The following CADM1 variants were observed in gnomAD, a reference collection of about 807,000 sequenced individuals.
The protein encoded by CADM1 is TSLC-1.
CADM1 carries 15 observed loss-of-function variants against 53.1 expected under a neutral mutation model. The observed-to-expected ratio is 0.28, with a 90% confidence interval of 0.19 to 0.44. The LOEUF (loss-of-function observed/expected upper bound fraction) is 0.44, where lower values mean the gene tolerates loss of function less well. Ranked by LOEUF, CADM1 falls within the 20% of genes least tolerant of loss-of-function variation. CADM1 has a pLI of 1.00. For missense variants in CADM1, 434 were observed against 611.3 expected, an observed-to-expected ratio of 0.71 and a Z score of 3.06; for synonymous variants, 281 against 243.0, an observed-to-expected ratio of 1.16 and a Z score of -1.45.
intron 1 of CADM1, among the ~76,000 whole-genome samples, chr11:115,334,653 A>C (rs1223583261): frequency 6.6e-6 from 1 of 152,118 alleles, no homozygotes; most frequent in Non-Finnish European, 1.5e-5. Flanking sequence ...CTATCCTCAG[A>C]ATCAGACATC....
At chr11:115,320,112 G>A (rs1417066982) in intron 1 of CADM1, among the ~76,000 whole-genome samples, 6 of 152,030 alleles carry the variant, frequency 3.9e-5, no homozygotes, top group Non-Finnish European at 7.4e-5. Context: ...CACCCAGGCC[G>A]GAGTGCAGTA....
chr11:115,456,121 G>T (rs940314413), intron 1 of CADM1, among the ~76,000 whole-genome samples: 3 of 152,114 alleles, frequency 2.0e-5, no homozygotes, highest in African/African-American at 7.2e-5. Flanking sequence ...CAACATGTTT[G>T]AATCAAGTAT....
intron 1 of CADM1, among the ~76,000 whole-genome samples, chr11:115,386,403 G>A (rs780379582): frequency 3.3e-5 from 5 of 152,114 alleles, no homozygotes; most frequent in African/African-American, 9.7e-5. Context: ...TCTATTTTCT[G>A]TTGCTTATAA....
chr11:115,186,362 T>A (rs1591584501), intron 10 of CADM1, among the ~76,000 whole-genome samples: 1 of 152,216 alleles, frequency 6.6e-6, no homozygotes, highest in African/African-American at 2.4e-5. Context: ...GGAAAAAAAA[T>A]CTTCCCAGGT....
At chr11:115,312,820 C>T (rs185839594) in intron 1 of CADM1, among the ~76,000 whole-genome samples, 114 of 152,168 alleles carry the variant, frequency 7.5e-4, no homozygotes, top group African/African-American at 2.7e-3. Context: ...GGGAACGTAG[C>T]AGAAGAGACT....
At chr11:115,337,414 AC>A (rs1945296148) in intron 1 of CADM1, among the ~76,000 whole-genome samples, 1 of 152,084 alleles carries the variant, frequency 6.6e-6, no homozygotes, top group Non-Finnish European at 1.5e-5. Context: ...TTCCAGAGAA[AC>A]CAACTTGCTC....
At chr11:115,183,367 C>T (rs143942322) in intron 10 of CADM1, among the ~76,000 whole-genome samples, 16 of 152,286 alleles carry the variant, frequency 1.1e-4, no homozygotes, top group Non-Finnish European at 1.9e-4. Context: ...TAGCATAAAC[C>T]GCCATGCAAA....
At chr11:115,470,471 A>G (rs1948987595) in intron 1 of CADM1, among the ~76,000 whole-genome samples, 1 of 152,250 alleles carries the variant, frequency 6.6e-6, no homozygotes, top group South Asian at 2.1e-4. Context: ...ATCATCCATT[A>G]AAACTAAAGT....
intron 1 of CADM1, among the ~76,000 whole-genome samples, chr11:115,459,005 C>A (rs1403282302): frequency 6.6e-6 from 1 of 152,132 alleles, no homozygotes; most frequent in Non-Finnish European, 1.5e-5. Context: ...AACAAAGAAA[C>A]CTCTCGAGAG....
chr11:115,287,859 G>A (rs1344888081), intron 1 of CADM1, among the ~76,000 whole-genome samples: 1 of 152,114 alleles, frequency 6.6e-6, no homozygotes, highest in Non-Finnish European at 1.5e-5. Context: ...GGCATATGAC[G>A]GTATATACAT....
chr11:115,305,633 AC>A (rs1211482782), intron 1 of CADM1, among the ~76,000 whole-genome samples: 1 of 151,906 alleles, frequency 6.6e-6, no homozygotes, highest in Non-Finnish European at 1.5e-5. Context: ...AGTTTCTTCT[AC>A]CAGCACTAGC....
intron 1 of CADM1, among the ~76,000 whole-genome samples, chr11:115,358,562 T>C (rs1169149939): frequency 1.3e-5 from 2 of 152,176 alleles, no homozygotes; most frequent in Admixed American, 6.5e-5. Flanking sequence ...CCACAACATG[T>C]GGGAATTACG....
At chr11:115,384,027 G>A (rs937312647) in intron 1 of CADM1, among the ~76,000 whole-genome samples, 2 of 151,762 alleles carry the variant, frequency 1.3e-5, no homozygotes, top group Admixed American at 1.3e-4. Context: ...CCACTAAATC[G>A]GCAGACCAAC....
At chr11:115,206,755 CTTCTTTTT>C (rs1262009239) in intron 8 of CADM1, among the ~76,000 whole-genome samples, 2 of 5,430 alleles carry the variant, frequency 3.7e-4, no homozygotes, top group Non-Finnish European at 1.2e-3. Flanking sequence ...TGACTGTGGA[CTTCTTTTT>C]TTTTTTTTTT....
rs1591625201 is a variant in CADM1 at position 115,229,153 on chromosome 11, G to A, written c.681C>T (p.Val227=). 1 of 1,614,068 alleles carries A rather than the reference G, an allele frequency of 6.2e-7. No homozygotes were observed. Among genetic ancestry groups the A allele is most frequent in the South Asian group, 1.1e-5 (1 of 91,082 alleles). The change falls in exon 5 of 12, where the codon GTC becomes GTT. Residue 227 remains valine (V), a synonymous_variant. Coordinates refer to ENST00000331581, the MANE Select transcript of CADM1 (RefSeq NM_001301043.2). ...PVICQVEHPA[V]TGNLQTQRYL... ...ACCGCTGGGTCTGCAGGTTTCCAGTGACCGCAGGGTGCTCCACCTGGCAGA... is the reference window on the plus strand; with the variant it reads ...ACCGCTGGGTCTGCAGGTTTCCAGTAACCGCAGGGTGCTCCACCTGGCAGA...
At chr11:115,265,859 CA>C (rs1429706621) in intron 1 of CADM1, among the ~76,000 whole-genome samples, 1 of 152,194 alleles carries the variant, frequency 6.6e-6, no homozygotes, top group African/African-American at 2.4e-5. Context: ...GTTTGTTAAT[CA>C]ATGAAATGGA....
chr11:115,327,088 T>C (rs1944977247), intron 1 of CADM1, among the ~76,000 whole-genome samples: 1 of 152,208 alleles, frequency 6.6e-6, no homozygotes, highest in Non-Finnish European at 1.5e-5. Context: ...TATTTTTATA[T>C]ACATGTTATC....
intron 10 of CADM1, among the ~76,000 whole-genome samples, chr11:115,181,024 GA>G (rs1272814880): frequency 3.9e-5 from 6 of 152,120 alleles, no homozygotes; most frequent in Admixed American, 3.9e-4. Context: ...GAGGTTCCAG[GA>G]AGACTGAGAA....
intron 1 of CADM1, among the ~76,000 whole-genome samples, chr11:115,264,734 C>G (rs78880275): frequency 0.013 from 2,022 of 152,248 alleles, 34 homozygotes; most frequent in Middle Eastern, 0.051. Context: ...TATTAAGAAC[C>G]ATTGTAACTG....
Sources: gnomAD v4.1 joint callset for allele counts (sites outside exome capture counted in the v4.1 genomes callset) on GRCh38, gnomAD v4.1.1 for gene constraint, MANE v1.5 for transcripts, NCBI Gene and HGNC (gene_info 2026-07-23, HGNC 2026-07-21) for gene names.